MCTP1: variants seen among roughly 807,000 people sequenced by gnomAD.
The protein encoded by MCTP1 is multiple C2 and transmembrane domain containing 1, also known as multiple C2 and transmembrane domain-containing protein 1.
In MCTP1, 69 loss-of-function variants were observed where a neutral mutation model predicts 120.6. That is an observed-to-expected ratio of 0.57 (90% confidence interval 0.47 to 0.70). MCTP1 has a LOEUF of 0.70. Among genes scored for constraint, MCTP1 ranks in the 30% least tolerant of loss-of-function variants. MCTP1 has a pLI of 0.00. For missense variants in MCTP1, 1,203 were observed against 1,248.8 expected, an observed-to-expected ratio of 0.96 and a Z score of 0.55; for synonymous variants, 529 against 493.1, an observed-to-expected ratio of 1.07 and a Z score of -0.96.
chr5:95,212,862 C>A (rs1752563178), intron 1 of MCTP1, among the ~76,000 whole-genome samples: 1 of 152,104 alleles, frequency 6.6e-6, no homozygotes, highest in Admixed American at 6.6e-5. Context: ...CGGGACGTAT[C>A]TCAAAATAAT....
chr5:94,746,313 T>C (rs1310693241), intron 19 of MCTP1, among the ~76,000 whole-genome samples: 1 of 152,230 alleles, frequency 6.6e-6, no homozygotes, highest in Non-Finnish European at 1.5e-5. Flanking sequence ...CAGCCCTCTA[T>C]TAATTCTTTT....
At chr5:95,080,186 G>A (rs1177928634) in intron 1 of MCTP1, among the ~76,000 whole-genome samples, 2 of 151,964 alleles carry the variant, frequency 1.3e-5, no homozygotes, top group Non-Finnish European at 2.9e-5. Context: ...TGTCCTTTAG[G>A]CATGTGTACT....
chr5:95,284,275 A>G lies in MCTP1; in HGVS notation c.301T>C (p.Cys101Arg). The stretch of plus-strand genomic sequence containing the variant: ...GGCTCCAGGGGCTCCGGCGACGAGC[A>G]GCACAGGTTGGGCTGCGAGGAGGAG... ...VFSSSQPNLC[C>R]SSPEPLEPGG... The change falls in exon 1 of 23, where the codon TGC becomes CGC. Residue 101 changes from cysteine (C) to arginine (R), a missense_variant. Cys to Arg is a radical substitution (Grantham distance 180). This residue lies in a region of MCTP1 where 463 missense variants were observed against 377.8 expected (regional missense o/e 1.23). Coordinates refer to ENST00000515393, the MANE Select transcript of MCTP1 (RefSeq NM_024717.7). The surrounding 1 kb of genome is among the most constrained non-coding windows in gnomAD (Gnocchi z 5.2). 6.3e-7 allele frequency: 1 copy of G among 1,595,450 alleles called. No individual in the cohort carries two copies. The highest frequency in any genetic ancestry group is 8.5e-7 in the Non-Finnish European group (1 of 1,177,996).
intron 2 of MCTP1, among the ~76,000 whole-genome samples, chr5:94,990,314 T>C (rs1174886335): frequency 6.6e-6 from 1 of 152,192 alleles, no homozygotes; most frequent in African/African-American, 2.4e-5. Context: ...GCTGTAAGTA[T>C]AGAAAAAGAG....
At position 94,732,233 on chromosome 5, in the gene MCTP1, G is replaced by A. The variant is rs537103780; in HGVS notation, c.2611-17347C>T. 7.9e-5 allele frequency among the ~76,000 whole-genome samples: 12 copies of A among 152,254 alleles called. No individual in the cohort carries two copies. In the South Asian group the frequency reaches 1.7e-3, roughly 21 times the overall value. On this transcript the variant is annotated intron_variant, in intron 19 of 22. Transcript: ENST00000515393. ...GTGTGCATCCATCTAAAGCAAGCTC[G>A]TCCAATCCATGGCCTGCATGCAGCC... is the stretch of plus-strand genomic sequence containing the variant.
intron 1 of MCTP1, among the ~76,000 whole-genome samples, chr5:95,077,947 T>C (rs999336637): frequency 6.6e-6 from 1 of 151,144 alleles, no homozygotes. Context: ...CCACATTCTC[T>C]AGTCTGGTCC....
intron 19 of MCTP1, among the ~76,000 whole-genome samples, chr5:94,775,210 A>G (rs553918157): frequency 1.3e-5 from 2 of 152,222 alleles, no homozygotes; most frequent in Admixed American, 6.5e-5. Context: ...ATCAATAAAC[A>G]TTACTAGAAT....
intron 1 of MCTP1, among the ~76,000 whole-genome samples, chr5:95,049,250 T>A (rs1276839693): frequency 2.0e-5 from 3 of 152,092 alleles, no homozygotes; most frequent in African/African-American, 7.2e-5. Context: ...GCACTTCCCG[T>A]TAAATTTTAT....
intron 17 of MCTP1, among the ~76,000 whole-genome samples, chr5:94,866,539 A>T (rs1214480375): frequency 8.9e-6 from 1 of 112,088 alleles, no homozygotes; most frequent in African/African-American, 3.6e-5. Flanking sequence ...ACTATGCCTG[A>T]TTCCCTCTTT....
At chr5:95,096,498 T>G (rs1756276581) in intron 1 of MCTP1, among the ~76,000 whole-genome samples, 2 of 151,642 alleles carry the variant, frequency 1.3e-5, no homozygotes, top group Admixed American at 1.3e-4. Flanking sequence ...GTCTTAAAAG[T>G]AGTGAAAAAA....
chr5:94,769,383 CA>C (rs1474470324), intron 19 of MCTP1, among the ~76,000 whole-genome samples: 1 of 152,070 alleles, frequency 6.6e-6, no homozygotes, highest in East Asian at 1.9e-4. Context: ...ATTCAACACT[CA>C]AAGAAGTGAT....
chr5:94,952,171 C>CAAAAAAAAAAAAAAAAAAAAAAA (rs57358026), intron 3 of MCTP1, among the ~76,000 whole-genome samples: 1 of 87,888 alleles, frequency 1.1e-5, no homozygotes, highest in Non-Finnish European at 2.2e-5. Flanking sequence ...GACTTTGTCG[C>CAAAAAAAAAAAAAAAAAAAAAAA]AAAAAAAAAA....
At chr5:94,744,206 C>T (rs909721536) in intron 19 of MCTP1, among the ~76,000 whole-genome samples, 13 of 152,108 alleles carry the variant, frequency 8.5e-5, no homozygotes, top group South Asian at 2.1e-4. Context: ...TGGGCTGATC[C>T]GAAGTGATCC....
intron 12 of MCTP1, among the ~76,000 whole-genome samples, chr5:94,874,976 C>T (rs755266674): frequency 2.1e-4 from 32 of 152,122 alleles, no homozygotes; most frequent in Non-Finnish European, 4.1e-4. Context: ...GTTCAATCAA[C>T]TAACAAATAT....
chr5:94,870,874 C>A lies in MCTP1; in HGVS notation c.2239G>T (p.Ala747Ser). ...IYLEIDVIFNAVKASLRTLIP... is the reference protein window; with the variant it reads ...IYLEIDVIFNSVKASLRTLIP... The stretch of plus-strand genomic sequence containing the variant: ...AAAAAGCCAAAGTTAAGACTTACAG[C>A]ATTAAAAATCACATCTATTTCAAGA... Residue 747 changes from alanine (A) to serine (S), a missense_variant and splice_region_variant, in exon 15 of 23, where the codon GCT (alanine) becomes TCT (serine). Coordinates refer to ENST00000515393, the MANE Select transcript of MCTP1 (RefSeq NM_024717.7). The A allele has an allele frequency of 1.2e-6, 2 of 1,605,918 alleles. No homozygotes were observed. The highest frequency in any genetic ancestry group is 2.2e-5 in the South Asian group (2 of 90,902).
intron 7 of MCTP1, among the ~76,000 whole-genome samples, chr5:94,920,475 G>A (rs1405897272): frequency 6.6e-6 from 1 of 152,074 alleles, no homozygotes; most frequent in African/African-American, 2.4e-5. Flanking sequence ...GGGCGCGGTG[G>A]CTCACGCCTG....
intron 1 of MCTP1, among the ~76,000 whole-genome samples, chr5:95,024,303 G>T (rs1053943541): frequency 6.6e-6 from 1 of 152,022 alleles, no homozygotes; most frequent in Non-Finnish European, 1.5e-5. Flanking sequence ...GTCTAAAAAC[G>T]ATATGGCATA....
intron 10 of MCTP1, among the ~76,000 whole-genome samples, chr5:94,897,880 G>A (rs1000328959): frequency 4.6e-5 from 7 of 152,004 alleles, no homozygotes; most frequent in African/African-American, 1.7e-4. Flanking sequence ...TTTGTGCCTG[G>A]ACTTATTTTT....
chr5:94,785,230 C>T (rs1202504848), intron 18 of MCTP1, among the ~76,000 whole-genome samples: 2 of 152,072 alleles, frequency 1.3e-5, no homozygotes, highest in Non-Finnish European at 2.9e-5. Flanking sequence ...ATTTCCTTTT[C>T]GGTATTCTTA....
Sources: gnomAD v4.1 joint callset for allele counts (sites outside exome capture counted in the v4.1 genomes callset) on GRCh38, gnomAD v4.1.1 for gene constraint, gnomAD v4.1.1 regional missense constraint, Gnocchi (gnomAD v3.1) non-coding constraint, MANE v1.5 for transcripts, NCBI Gene and HGNC (gene_info 2026-07-23, HGNC 2026-07-21) for gene names.